TYR: variants seen among roughly 807,000 people sequenced by gnomAD.
TYR encodes LB24-AB.
Under a neutral mutation model 51.5 loss-of-function variants are expected in TYR, and 58 were observed. The observed-to-expected ratio is 1.13, with a 90% confidence interval of 0.91 to 1.40. The LOEUF is 1.40. Among genes scored for constraint, TYR ranks in the 40% most tolerant of loss-of-function variants. The pLI is 0.00. For missense variants in TYR, 732 were observed against 647.4 expected (o/e 1.13, Z -1.42); for synonymous variants, 263 against 235.2 (o/e 1.12, Z -1.08).
intron 3 of TYR, among the ~76,000 whole-genome samples, chr11:89,254,746 C>A (rs1181135756): frequency 1.3e-5 from 2 of 151,760 alleles, no homozygotes; most frequent in Non-Finnish European, 2.9e-5. Context: ...AATGCTCTAT[C>A]AATTTTATTT....
chr11:89,192,241 T>C (rs1943455731), intron 2 of TYR, among the ~76,000 whole-genome samples: 1 of 152,060 alleles, frequency 6.6e-6, no homozygotes, highest in Non-Finnish European at 1.5e-5. Context: ...GACTCAGTCA[T>C]GAAACCCATT....
chr11:89,198,386 G>A (rs1026500914), intron 2 of TYR, among the ~76,000 whole-genome samples: 1 of 152,138 alleles, frequency 6.6e-6, no homozygotes, highest in African/African-American at 2.4e-5. Flanking sequence ...GAGGGAATCA[G>A]AAACTCAGTA....
intron 1 of TYR, among the ~76,000 whole-genome samples, chr11:89,187,124 A>C (rs1217675284): frequency 6.6e-6 from 1 of 152,108 alleles, no homozygotes; most frequent in Non-Finnish European, 1.5e-5. Flanking sequence ...ATCCCTAGGG[A>C]GTCACCTATT....
intron 2 of TYR, among the ~76,000 whole-genome samples, chr11:89,215,354 G>C (rs1278504914): frequency 1.3e-5 from 2 of 148,456 alleles, no homozygotes; most frequent in Admixed American, 1.4e-4. Flanking sequence ...ACACAGGATG[G>C]GGAACATCCC....
Position 89,287,938 on chromosome 11 carries a change from T to A in TYR, c.1366+2984T>A, listed in dbSNP as rs148476224. On this transcript the variant is annotated intron_variant, in intron 4 of 4. Transcript: ENST00000263321. ...GGCAAAATTTACAGAACTTGGAAAA[T>A]TATTTATATATCAGATGAAGGAGAT... 5.6e-3 allele frequency among the ~76,000 whole-genome samples: 853 copies of A among 152,008 alleles called. 7 individuals carry two copies. Among genetic ancestry groups the A allele is most frequent in the African/African-American group, 0.019 (769 of 41,510 alleles).
chr11:89,194,398 G>A (rs768950258), intron 2 of TYR, among the ~76,000 whole-genome samples: 3 of 152,104 alleles, frequency 2.0e-5, no homozygotes, highest in Admixed American at 6.5e-5. Flanking sequence ...TCTGTCTCAC[G>A]TTGGTGATGT....
At chr11:89,265,916 A>G (rs924997248) in intron 3 of TYR, among the ~76,000 whole-genome samples, 2 of 152,014 alleles carry the variant, frequency 1.3e-5, no homozygotes, top group Non-Finnish European at 2.9e-5. Context: ...GAAAAAAACT[A>G]AGAAATATTA....
chr11:89,184,354 T>C (rs1943340154), intron 1 of TYR, among the ~76,000 whole-genome samples: 1 of 152,140 alleles, frequency 6.6e-6, no homozygotes, highest in African/African-American at 2.4e-5. Flanking sequence ...ATAAAAATGA[T>C]TTAGTCTACA....
chr11:89,194,402 G>C (rs1055112936), intron 2 of TYR, among the ~76,000 whole-genome samples: 1 of 152,126 alleles, frequency 6.6e-6, no homozygotes, highest in Non-Finnish European at 1.5e-5. Context: ...TCTCACGTTG[G>C]TGATGTTAAT....
At chr11:89,188,592 T>C (rs1943405453) in intron 1 of TYR, among the ~76,000 whole-genome samples, 1 of 152,106 alleles carries the variant, frequency 6.6e-6, no homozygotes, top group Admixed American at 6.6e-5. Flanking sequence ...GATGGGATAC[T>C]GCTGAACATT....
intron 3 of TYR, among the ~76,000 whole-genome samples, chr11:89,269,113 G>A (rs1448410295): frequency 6.6e-6 from 1 of 151,916 alleles, no homozygotes; most frequent in African/African-American, 2.4e-5. Context: ...AGCTTGACAT[G>A]TCATGATTCT....
chr11:89,278,202 T>C (rs181730574), intron 3 of TYR, among the ~76,000 whole-genome samples: 12 of 151,852 alleles, frequency 7.9e-5, no homozygotes, highest in African/African-American at 2.7e-4. Context: ...TCTTGAAGAA[T>C]GCACCATCAA....
At chr11:89,217,774 G>T (rs1352677280) in intron 2 of TYR, among the ~76,000 whole-genome samples, 1 of 152,130 alleles carries the variant, frequency 6.6e-6, no homozygotes, top group Non-Finnish European at 1.5e-5. Context: ...TGAAAGAATA[G>T]ATAATTTTCT....
chr11:89,219,989 T>C (rs1943886017), intron 2 of TYR, among the ~76,000 whole-genome samples: 2 of 152,194 alleles, frequency 1.3e-5, no homozygotes, highest in Admixed American at 1.3e-4. Flanking sequence ...TTATTGCAAC[T>C]AATGGCTTTA....
At position 89,295,223 on chromosome 11, in the gene TYR, A is replaced by T; in HGVS notation, c.1447A>T (p.Met483Leu). 6.2e-7 allele frequency: 1 copy of T among 1,613,894 alleles called. No individual in the cohort carries two copies. The highest frequency in any genetic ancestry group is 1.1e-5 in the South Asian group (1 of 91,068). ...RIWSWLLGAA[M>L]VGAVLTALLA... ...CTGGTCATGGCTCCTTGGGGCGGCG[A>T]TGGTAGGGGCCGTCCTCACTGCCCT... The change falls in exon 5 of 5, where the codon ATG becomes TTG. Residue 483 changes from methionine (M) to leucine (L), a missense_variant. By Grantham distance (15) the Met-to-Leu change is conservative. Coordinates refer to ENST00000263321, the MANE Select transcript of TYR (RefSeq NM_000372.5).
intron 3 of TYR, among the ~76,000 whole-genome samples, chr11:89,243,207 AG>A (rs1485886986): frequency 2.0e-5 from 3 of 152,204 alleles, no homozygotes; most frequent in African/African-American, 7.2e-5. Context: ...TAAATGTTAC[AG>A]GGTAGTATTA....
chr11:89,246,802 G>C (rs748094308), intron 3 of TYR, among the ~76,000 whole-genome samples: 1 of 152,016 alleles, frequency 6.6e-6, no homozygotes, highest in Non-Finnish European at 1.5e-5. Context: ...CCAGAAGGGC[G>C]GCAGTAAGAA....
chr11:89,230,941 G>A (rs1347251614), intron 3 of TYR, among the ~76,000 whole-genome samples: 1 of 151,190 alleles, frequency 6.6e-6, no homozygotes, highest in East Asian at 1.9e-4. Flanking sequence ...AGGAAGCCAA[G>A]GCGGGCAGAT....
intron 3 of TYR, among the ~76,000 whole-genome samples, chr11:89,229,243 C>G (rs973189592): frequency 1.3e-5 from 2 of 151,946 alleles, no homozygotes; most frequent in Non-Finnish European, 2.9e-5. Flanking sequence ...AATTAAGTAA[C>G]AGTCTGTGTT....
Sources: gnomAD v4.1 joint callset for allele counts (sites outside exome capture counted in the v4.1 genomes callset) on GRCh38, gnomAD v4.1.1 for gene constraint, MANE v1.5 for transcripts, NCBI Gene and HGNC (gene_info 2026-07-23, HGNC 2026-07-21) for gene names.